The following AOPEP variants were observed in gnomAD, a reference collection of about 807,000 sequenced individuals.
The protein encoded by AOPEP is aminopeptidase O (putative), also known as aminopeptidase O.
AOPEP carries 77 observed loss-of-function variants against 98.1 expected under a neutral mutation model. That is an observed-to-expected ratio of 0.78 (90% CI 0.65 to 0.95). The LOEUF (loss-of-function observed/expected upper bound fraction) is 0.95. Among genes scored for constraint, AOPEP ranks in the 40% least tolerant of loss-of-function variants. The pLI is 0.00. For missense variants in AOPEP, 1,024 were observed against 1,024.7 expected (o/e 1.00, Z 0.01); for synonymous variants, 346 against 365.3 (o/e 0.95, Z 0.60).
chr9:94,872,083 T>C lies in AOPEP; in HGVS notation c.1365-51903T>C, dbSNP rs565069029. 6.6e-5 allele frequency among the ~76,000 whole-genome samples: 10 copies of C among 152,288 alleles called. No individual in the cohort carries two copies. The South Asian group carries it at 2.1e-3, about 32-fold the overall frequency. ...AAGACACCTATAGGAAACATATGGT[T>C]CTAGAGTCAGCAAAAGTAGTGTCTA... On this transcript the variant is annotated intron_variant, in intron 5 of 16. Transcript: ENST00000375315.
intron 3 of AOPEP, among the ~76,000 whole-genome samples, chr9:94,779,952 C>T (rs779406185): frequency 2.0e-5 from 3 of 152,194 alleles, no homozygotes; most frequent in Admixed American, 6.5e-5. Context: ...TGATAATTAT[C>T]GCAGTCCTAC....
At chr9:95,132,294 T>C in the AOPEP span, among the ~76,000 whole-genome samples, 3 of 152,238 alleles carry the variant, frequency 2.0e-5, no homozygotes, top group East Asian at 5.8e-4. Flanking sequence ...AAAGAATAGC[T>C]TTCTGGGCTC....
chr9:94,821,148 A>T (rs1269914890), intron 5 of AOPEP, among the ~76,000 whole-genome samples: 1 of 143,040 alleles, frequency 7.0e-6, no homozygotes, highest in Non-Finnish European at 1.5e-5. Flanking sequence ...GGTTAAGAGA[A>T]GTAAGTATTA....
At chr9:94,943,597 TAA>T (rs1183754020) in intron 7 of AOPEP, among the ~76,000 whole-genome samples, 3 of 69,280 alleles carry the variant, frequency 4.3e-5, no homozygotes, top group Non-Finnish European at 6.1e-5. Context: ...CCATCTCAAA[TAA>T]AAAAAAAAAA....
intron 5 of AOPEP, among the ~76,000 whole-genome samples, chr9:94,841,764 A>G (rs577311755): frequency 4.3e-4 from 66 of 152,226 alleles, no homozygotes; most frequent in African/African-American, 1.4e-3. Context: ...AAGAATATCT[A>G]CTCCTAGCTG....
intron 13 of AOPEP, among the ~76,000 whole-genome samples, chr9:95,056,765 A>G (rs2133867339): frequency 6.6e-6 from 1 of 152,338 alleles, no homozygotes; most frequent in East Asian, 1.9e-4. Context: ...GTATTTAGCA[A>G]CTATGAGATC....
At chr9:95,095,001 C>T in the AOPEP span, among the ~76,000 whole-genome samples, 2 of 152,240 alleles carry the variant, frequency 1.3e-5, no homozygotes, top group Admixed American at 1.3e-4. Flanking sequence ...TCTGCACTGG[C>T]TTGGCTGCTG....
chr9:94,939,270 G>A (rs181694907), intron 7 of AOPEP, among the ~76,000 whole-genome samples: 44 of 151,414 alleles, frequency 2.9e-4, no homozygotes, highest in African/African-American at 9.9e-4. Flanking sequence ...AAAAAAGAAG[G>A]CTTCTAATAA....
chr9:95,028,511 A>G (rs1318457239), intron 13 of AOPEP, among the ~76,000 whole-genome samples: 1 of 152,202 alleles, frequency 6.6e-6, no homozygotes, highest in Non-Finnish European at 1.5e-5. Flanking sequence ...AAATTCTTTT[A>G]TGTACACAGT....
intron 5 of AOPEP, among the ~76,000 whole-genome samples, chr9:94,839,783 T>C (rs1219714799): frequency 6.6e-6 from 1 of 152,158 alleles, no homozygotes; most frequent in East Asian, 1.9e-4. Context: ...CTGATCTTTT[T>C]TTTGAGACAG....
At chr9:95,092,781 G>A in the AOPEP span, among the ~76,000 whole-genome samples, 2 of 152,132 alleles carry the variant, frequency 1.3e-5, no homozygotes, top group African/African-American at 2.4e-5. Flanking sequence ...TTGCCACAAC[G>A]AGGTCTGACA....
intron 13 of AOPEP, among the ~76,000 whole-genome samples, chr9:95,011,834 T>G (rs1423758064): frequency 1.3e-5 from 2 of 152,086 alleles, no homozygotes; most frequent in African/African-American, 4.8e-5. Context: ...AAAAAAAATC[T>G]ATAGTTTAAA....
intron 5 of AOPEP, chr9:94,920,177 G>C (rs1404509485): frequency 6.6e-6 from 1 of 152,252 alleles, no homozygotes; most frequent in Non-Finnish European, 1.5e-5. Flanking sequence ...TACAAAATTA[G>C]CAGGGCGTGG....
At chr9:94,820,488 G>C (rs1474340291) in intron 5 of AOPEP, among the ~76,000 whole-genome samples, 1 of 152,164 alleles carries the variant, frequency 6.6e-6, no homozygotes, top group East Asian at 1.9e-4. Context: ...AGGCCTTAAA[G>C]AGTTTCTCAT....
At chr9:95,132,621 G>A in the AOPEP span, among the ~76,000 whole-genome samples, 4 of 152,200 alleles carry the variant, frequency 2.6e-5, no homozygotes, top group Admixed American at 2.0e-4. Flanking sequence ...CCAGTCCACC[G>A]CACGGAAGCC....
intron 5 of AOPEP, among the ~76,000 whole-genome samples, chr9:94,897,649 G>T (rs1448807322): frequency 9.2e-5 from 14 of 152,014 alleles, no homozygotes; most frequent in Admixed American, 7.9e-4. Context: ...CAAATAAAGG[G>T]CTAAGTTTCT....
chr9:95,092,928 A>G, the AOPEP span, among the ~76,000 whole-genome samples: 1 of 152,130 alleles, frequency 6.6e-6, no homozygotes, highest in Non-Finnish European at 1.5e-5. Flanking sequence ...TTCTGACCCT[A>G]TGATTTAAGT....
chr9:95,080,629 C>G, intron 14 of AOPEP, 65 bp from the exon 15 acceptor site: 1 of 1,172,618 alleles, frequency 8.5e-7, no homozygotes, highest in Non-Finnish European at 1.3e-6. Flanking sequence ...CTGCCTGTCA[C>G]TGGGCCCGGT....
At chr9:94,739,009 T>C (rs992867768) in intron 1 of AOPEP, among the ~76,000 whole-genome samples, 1 of 152,234 alleles carries the variant, frequency 6.6e-6, no homozygotes, top group African/African-American at 2.4e-5. Context: ...TTCATACTGG[T>C]CAGTCTAGGA....
Sources: allele counts gnomAD v4.1 joint callset (sites outside exome capture counted in the v4.1 genomes callset), GRCh38; gene constraint gnomAD v4.1.1; transcripts MANE v1.5; gene names NCBI Gene and HGNC (gene_info 2026-07-23, HGNC 2026-07-21).